Variants in CDC123 observed in about 807,000 individuals in gnomAD.
The protein encoded by CDC123 is cell division cycle 123.
A neutral mutation model predicts 54.4 loss-of-function variants in CDC123; 37 were observed. The ratio of observed to expected loss-of-function variants is 0.68; its 90% CI spans 0.52 to 0.89. The LOEUF (loss-of-function observed/expected upper bound fraction) is 0.89, where lower values mean the gene tolerates loss of function less well. Among genes scored for constraint, CDC123 ranks in the 40% least tolerant of loss-of-function variants. The probability of loss-of-function intolerance (pLI) is 0.00; values close to 1 mark genes in which losing one functional copy is unlikely to be tolerated. For synonymous variants in CDC123, 144 were observed against 136.8 expected, an observed-to-expected ratio of 1.05 and a Z score of -0.37; for missense variants, 361 against 412.1, an observed-to-expected ratio of 0.88 and a Z score of 1.07.
In CDC123 at chr10:12,246,274, G is replaced by A. The variant is rs1426809535; in HGVS notation, c.843G>A (p.Glu281=). ...NGDFSEVDAQ[E]QDSPAFRCTN... ...ATTTTAGTGAAGTTGACGCTCAAGA[G>A]CAGGTACAACATTTTTAAGACAGAT... The change falls in exon 11 of 13, where the codon GAG becomes GAA. Residue 281 remains glutamate (E), a synonymous_variant. Coordinates refer to ENST00000281141, the MANE Select transcript of CDC123 (RefSeq NM_006023.3). 2 of 1,614,110 alleles carry A rather than the reference G, an allele frequency of 1.2e-6. No homozygotes were observed. The highest frequency in any genetic ancestry group is 2.2e-5 in the East Asian group (1 of 44,888).
At chr10:12,232,126 C>T (rs1043238724) in intron 7 of CDC123, among the ~76,000 whole-genome samples, 2 of 152,108 alleles carry the variant, frequency 1.3e-5, no homozygotes, top group Admixed American at 1.3e-4. Flanking sequence ...GGATTACAGG[C>T]GTGAACCACT....
At chr10:12,209,850 C>T in intron 2 of CDC123, 117 bp from the exon 3 acceptor site, 1 of 937,832 alleles carries the variant, frequency 1.1e-6, no homozygotes, top group Admixed American at 2.0e-5. Flanking sequence ...AGGTGTGAGC[C>T]ACCACACCTA....
intron 2 of CDC123, among the ~76,000 whole-genome samples, chr10:12,201,751 G>A (rs963314290): frequency 3.9e-5 from 6 of 152,164 alleles, no homozygotes; most frequent in African/African-American, 7.2e-5. Context: ...AGAATGACTC[G>A]ATCAGATTTC....
chr10:12,223,754 C>T (rs1423165156), intron 6 of CDC123, among the ~76,000 whole-genome samples: 1 of 152,030 alleles, frequency 6.6e-6, no homozygotes, highest in East Asian at 1.9e-4. Flanking sequence ...TGTGGCACTC[C>T]TTTTATTTTT....
At chr10:12,198,531 G>A (rs565228518) in intron 1 of CDC123, among the ~76,000 whole-genome samples, 174 bp from the exon 2 acceptor site, 22 of 152,282 alleles carry the variant, frequency 1.4e-4, no homozygotes, top group African/African-American at 4.1e-4. Context: ...AAGATGAACC[G>A]CAGTAATCTT....
intron 12 of CDC123, 120 bp downstream of exon 12, chr10:12,249,838 C>A: frequency 7.8e-7 from 1 of 1,282,460 alleles, no homozygotes; most frequent in Non-Finnish European, 1.0e-6. Flanking sequence ...ATGAATGGAA[C>A]CAAGTTACTG....
chr10:12,217,305 C>T, intron 5 of CDC123, 56 bp from the exon 6 acceptor site: 1 of 1,538,730 alleles, frequency 6.5e-7, no homozygotes, highest in South Asian at 1.2e-5. Context: ...TAGGCCTGAG[C>T]ATTCATAGCA....
intron 6 of CDC123, among the ~76,000 whole-genome samples, chr10:12,223,429 G>A (rs897453175): frequency 6.6e-6 from 1 of 152,076 alleles, no homozygotes; most frequent in African/African-American, 2.4e-5. Context: ...GGGACTGTAG[G>A]CGCACGCCAC....
chr10:12,223,997 C>G (rs1159351765), intron 6 of CDC123, among the ~76,000 whole-genome samples: 1 of 152,096 alleles, frequency 6.6e-6, no homozygotes, highest in Admixed American at 6.6e-5. Context: ...AACGTGTAGT[C>G]TTTTATCCCT....
intron 6 of CDC123, among the ~76,000 whole-genome samples, chr10:12,220,291 C>T (rs200301202): frequency 9.9e-5 from 15 of 152,248 alleles, no homozygotes; most frequent in African/African-American, 2.4e-4. Flanking sequence ...TCTTAAGCTA[C>T]GTCTTGCTTT....
intron 7 of CDC123, among the ~76,000 whole-genome samples, chr10:12,231,625 C>CAAAAA (rs368800002): frequency 1.3e-5 from 1 of 77,300 alleles, no homozygotes. Flanking sequence ...AACTCCGTCT[C>CAAAAA]AAAAAAAAAA....
At chr10:12,249,801 T>C (rs2131775661) in intron 12 of CDC123, 83 bp downstream of exon 12, 1 of 1,493,282 alleles carries the variant, frequency 6.7e-7, no homozygotes, top group Non-Finnish European at 8.9e-7. Flanking sequence ...TTCATTGGAA[T>C]CCTGTATCAC....
At chr10:12,242,419 G>A (rs2131766942) in intron 10 of CDC123, among the ~76,000 whole-genome samples, 1 of 152,262 alleles carries the variant, frequency 6.6e-6, no homozygotes, top group East Asian at 1.9e-4. Flanking sequence ...TTCTGTTTTG[G>A]GGAAGTGGAG....
At chr10:12,243,585 G>A (rs1435766903) in intron 10 of CDC123, among the ~76,000 whole-genome samples, 1 of 151,604 alleles carries the variant, frequency 6.6e-6, no homozygotes, top group Non-Finnish European at 1.5e-5. Flanking sequence ...TCAGGAGATC[G>A]AGACCATCCT....
intron 5 of CDC123, among the ~76,000 whole-genome samples, chr10:12,216,136 C>T (rs552363703): frequency 1.4e-4 from 21 of 152,032 alleles, no homozygotes; most frequent in Non-Finnish European, 2.2e-4. Context: ...TTCAGTTTAA[C>T]AGAGAAATTT....
At chr10:12,229,539 C>T (rs1232306006) in intron 6 of CDC123, among the ~76,000 whole-genome samples, 3 of 152,202 alleles carry the variant, frequency 2.0e-5, no homozygotes, top group Non-Finnish European at 2.9e-5. Flanking sequence ...AAATGCGGGC[C>T]CCTTCTTGAC....
At chr10:12,244,077 C>T (rs146824322) in intron 10 of CDC123, among the ~76,000 whole-genome samples, 10 of 152,232 alleles carry the variant, frequency 6.6e-5, no homozygotes, top group Non-Finnish European at 4.4e-5. Context: ...AAACATCCTG[C>T]GAAAACATCC....
chr10:12,244,293 A>C (rs1007627477), intron 10 of CDC123, among the ~76,000 whole-genome samples: 4 of 152,278 alleles, frequency 2.6e-5, no homozygotes, highest in Non-Finnish European at 5.9e-5. Flanking sequence ...ATAGAAAAAA[A>C]CAAATTCATT....
At chr10:12,244,343 A>C (rs1336812721) in intron 10 of CDC123, among the ~76,000 whole-genome samples, 1 of 152,264 alleles carries the variant, frequency 6.6e-6, no homozygotes, top group Non-Finnish European at 1.5e-5. Context: ...TTTCAGTGAG[A>C]AAAGTGAAAA....
Sources: allele counts gnomAD v4.1 joint callset (sites outside exome capture counted in the v4.1 genomes callset), GRCh38; gene constraint gnomAD v4.1.1; transcripts MANE v1.5; gene names NCBI Gene and HGNC (gene_info 2026-07-23, HGNC 2026-07-21).